ARHGAP15: variants seen among roughly 807,000 people sequenced by gnomAD.
The protein encoded by ARHGAP15 is Rho GTPase activating protein 15, also known as rho GTPase-activating protein 15.
In ARHGAP15, 51 loss-of-function variants were observed where a neutral mutation model predicts 63.7. The ratio of observed to expected loss-of-function variants is 0.80; its 90% CI spans 0.64 to 1.01. ARHGAP15 has a LOEUF of 1.01. Ranked by LOEUF, ARHGAP15 falls within the 50% of genes least tolerant of loss-of-function variation. The probability of loss-of-function intolerance (pLI) is 0.00; values close to 1 mark genes in which losing one functional copy is unlikely to be tolerated. For synonymous variants in ARHGAP15, 191 were observed against 193.8 expected (o/e 0.99, Z 0.12); for missense variants, 560 against 564.6 (o/e 0.99, Z 0.08).
At chr2:143,436,229 T>C (rs1689606590) in intron 7 of ARHGAP15, among the ~76,000 whole-genome samples, 1 of 152,162 alleles carries the variant, frequency 6.6e-6, no homozygotes, top group Non-Finnish European at 1.5e-5. Context: ...TGAACTTATT[T>C]AAAACCACTC....
rs527452720 is a variant in ARHGAP15 at position 143,282,555 on chromosome 2, C to T, written c.474+31955C>T. Among the ~76,000 whole-genome samples, 6 of 152,144 alleles carry T rather than the reference C, an allele frequency of 3.9e-5. No individual in the cohort carries two copies. The South Asian group carries it at 1.2e-3, about 32-fold the overall frequency. ...GCAGAACAGCACAAGAAAGACCTGC[C>T]CCCATGATTCAATTACCTCTCACTG... On this transcript the variant is annotated intron_variant, in intron 6 of 13. Coordinates refer to ENST00000295095, the MANE Select transcript of ARHGAP15 (RefSeq NM_018460.4).
chr2:143,627,223 T>C lies in ARHGAP15; in HGVS notation c.1138+2956T>C, dbSNP rs530743519. Reference sequence around the variant, plus strand: ...AATGGACTAAGACACTCAGCAGCCTTGCTTCAACTCAAAACAGAATAGTAG... The same window carrying C: ...AATGGACTAAGACACTCAGCAGCCTCGCTTCAACTCAAAACAGAATAGTAG... On this transcript the variant is annotated intron_variant, in intron 12 of 13. Transcript: ENST00000295095. Among the ~76,000 whole-genome samples the C allele has an allele frequency of 1.2e-4, 18 of 152,326 alleles. No homozygotes were observed. The South Asian group carries it at 3.7e-3, about 32-fold the overall frequency.
chr2:143,655,834 A>G (rs988189706), intron 12 of ARHGAP15, among the ~76,000 whole-genome samples: 12 of 152,038 alleles, frequency 7.9e-5, no homozygotes, highest in Admixed American at 6.6e-4. Flanking sequence ...GTGATGCCAA[A>G]AAAAAAAAGT....
chr2:143,484,838 A>G (rs932612477), intron 8 of ARHGAP15, among the ~76,000 whole-genome samples: 1 of 152,226 alleles, frequency 6.6e-6, no homozygotes, highest in Admixed American at 6.5e-5. Context: ...AATAGCCCCA[A>G]GTGACTAGTG....
intron 6 of ARHGAP15, among the ~76,000 whole-genome samples, chr2:143,406,159 T>A (rs1688190633): frequency 6.6e-6 from 1 of 151,984 alleles, no homozygotes; most frequent in African/African-American, 2.4e-5. Context: ...TAAATGGATG[T>A]ACCTCAGTTA....
intron 2 of ARHGAP15, among the ~76,000 whole-genome samples, chr2:143,179,559 T>C (rs1280180290): frequency 6.6e-6 from 1 of 152,198 alleles, no homozygotes. Context: ...TATACTATTC[T>C]ATAGTCTATT....
At chr2:143,660,234 T>G (rs1379679943) in intron 12 of ARHGAP15, among the ~76,000 whole-genome samples, 1 of 152,212 alleles carries the variant, frequency 6.6e-6, no homozygotes, top group Non-Finnish European at 1.5e-5. Flanking sequence ...ATCAATACAT[T>G]CCTCCTTCCT....
intron 12 of ARHGAP15, among the ~76,000 whole-genome samples, chr2:143,679,612 T>TA (rs1290111205): frequency 8.6e-5 from 13 of 152,038 alleles, no homozygotes; most frequent in South Asian, 6.2e-4. Context: ...TGTCCTTTTT[T>TA]ATAGATGTTG....
At chr2:143,209,781 T>A (rs1692497286) in intron 3 of ARHGAP15, among the ~76,000 whole-genome samples, 1 of 152,058 alleles carries the variant, frequency 6.6e-6, no homozygotes, top group African/African-American at 2.4e-5. Context: ...GCAGCCAGAA[T>A]ATTATGAACA....
chr2:143,622,782 A>C (rs1037209505), intron 11 of ARHGAP15, among the ~76,000 whole-genome samples: 2 of 6,444 alleles, frequency 3.1e-4, no homozygotes, highest in African/African-American at 3.2e-4. Context: ...TCATTTATTT[A>C]AAAAAAAAAA....
intron 6 of ARHGAP15, among the ~76,000 whole-genome samples, chr2:143,306,432 C>G (rs1377684102): frequency 6.6e-6 from 1 of 152,040 alleles, no homozygotes. Context: ...ATGACAGGCA[C>G]ATGTAACCCA....
chr2:143,364,190 CA>C (rs1427492284), intron 6 of ARHGAP15, among the ~76,000 whole-genome samples: 2 of 144,044 alleles, frequency 1.4e-5, no homozygotes, highest in Non-Finnish European at 3.1e-5. Flanking sequence ...AGCAAAAAAA[CA>C]AACAACAACA....
chr2:143,277,008 T>A (rs989963450), intron 6 of ARHGAP15, among the ~76,000 whole-genome samples: 3 of 152,154 alleles, frequency 2.0e-5, no homozygotes, highest in Non-Finnish European at 2.9e-5. Flanking sequence ...CTTATCATCT[T>A]TCTATGCACT....
intron 12 of ARHGAP15, among the ~76,000 whole-genome samples, chr2:143,683,111 TA>T (rs540520807): frequency 6.6e-6 from 1 of 152,214 alleles, no homozygotes; most frequent in Non-Finnish European, 1.5e-5. Context: ...TTCATTATGA[TA>T]AAAAACAGGT....
chr2:143,277,655 A>G (rs907259598), intron 6 of ARHGAP15, among the ~76,000 whole-genome samples: 1 of 152,150 alleles, frequency 6.6e-6, no homozygotes, highest in Admixed American at 6.6e-5. Flanking sequence ...TGGGGTCACA[A>G]CACCCATTTT....
chr2:143,240,192 A>G lies in ARHGAP15; in HGVS notation c.385-10319A>G, dbSNP rs1339202263. Among the ~76,000 whole-genome samples, 3 of 150,198 alleles carry G rather than the reference A, an allele frequency of 2.0e-5. No homozygotes were observed. The East Asian group carries it at 5.8e-4, about 29-fold the overall frequency. On this transcript the variant is annotated intron_variant, in intron 5 of 13. Transcript: ENST00000295095. ...CTCTGTCTCTAAAAAAATAAAACAAAATAAAATAAAATAAAATAAATAATA... is the reference window on the plus strand; with the variant it reads ...CTCTGTCTCTAAAAAAATAAAACAAGATAAAATAAAATAAAATAAATAATA...
intron 5 of ARHGAP15, among the ~76,000 whole-genome samples, chr2:143,231,326 T>C (rs1693432483): frequency 6.6e-6 from 1 of 152,168 alleles, no homozygotes; most frequent in Non-Finnish European, 1.5e-5. Context: ...ACATTAGTTT[T>C]GTACTTGACC....
At chr2:143,515,187 A>ATGG in intron 9 of ARHGAP15, among the ~76,000 whole-genome samples, 1 of 93,158 alleles carries the variant, frequency 1.1e-5, no homozygotes, top group East Asian at 1.6e-3. Flanking sequence ...CACTATATTA[A>ATGG]CCCCCCCACC....
chr2:143,180,414 C>T (rs931283187), intron 2 of ARHGAP15, among the ~76,000 whole-genome samples: 3 of 152,132 alleles, frequency 2.0e-5, no homozygotes, highest in Non-Finnish European at 4.4e-5. Flanking sequence ...TTCTAGTTGT[C>T]CTGTTATTTT....
Sources: gnomAD v4.1 joint callset for allele counts (sites outside exome capture counted in the v4.1 genomes callset) on GRCh38, gnomAD v4.1.1 for gene constraint, MANE v1.5 for transcripts, NCBI Gene and HGNC (gene_info 2026-07-23, HGNC 2026-07-21) for gene names.